MAPK4: variants seen among roughly 807,000 people sequenced by gnomAD.
MAPK4 encodes Erk3-related.
MAPK4 carries 22 observed loss-of-function variants against 47.7 expected under a neutral mutation model. The ratio of observed to expected loss-of-function variants is 0.46; its 90% CI spans 0.33 to 0.66. MAPK4 has a LOEUF of 0.66. Among genes scored for constraint, MAPK4 ranks in the 30% least tolerant of loss-of-function variants. The pLI is 0.02. For synonymous variants in MAPK4, 390 were observed against 365.7 expected, an observed-to-expected ratio of 1.07 and a Z score of -0.76; for missense variants, 736 against 831.7, an observed-to-expected ratio of 0.88 and a Z score of 1.42.
chr18:50,590,382 G>A (rs2042426768), intron 1 of MAPK4, among the ~76,000 whole-genome samples: 1 of 152,208 alleles, frequency 6.6e-6, no homozygotes, highest in South Asian at 2.1e-4. Context: ...TCTCCTTGGA[G>A]GAGGATTTGA....
intron 1 of MAPK4, among the ~76,000 whole-genome samples, chr18:50,648,525 C>T (rs1015204408): frequency 2.0e-5 from 3 of 152,098 alleles, no homozygotes; most frequent in Non-Finnish European, 4.4e-5. Context: ...GCAGGGGATG[C>T]AGGAGGGCGG....
chr18:50,642,073 T>G (rs1036252599), intron 1 of MAPK4, among the ~76,000 whole-genome samples: 1 of 152,198 alleles, frequency 6.6e-6, no homozygotes, highest in Non-Finnish European at 1.5e-5. Flanking sequence ...TAATGACCAT[T>G]AATGGTTTTA....
intron 1 of MAPK4, among the ~76,000 whole-genome samples, chr18:50,605,717 C>G (rs2042577165): frequency 6.6e-6 from 1 of 152,186 alleles, no homozygotes; most frequent in African/African-American, 2.4e-5. Flanking sequence ...GGGAGGAGGA[C>G]CCATGGCCCA....
At chr18:50,632,361 T>G (rs1430480504) in intron 1 of MAPK4, among the ~76,000 whole-genome samples, 2 of 152,300 alleles carry the variant, frequency 1.3e-5, no homozygotes, top group East Asian at 3.9e-4. Flanking sequence ...ATAATTAGAT[T>G]TGCAAAGTTC....
At chr18:50,716,424 C>A (rs1402020211) in intron 3 of MAPK4, among the ~76,000 whole-genome samples, 2 of 152,188 alleles carry the variant, frequency 1.3e-5, no homozygotes, top group Non-Finnish European at 2.9e-5. Context: ...TGTCCCTCAG[C>A]CCTTCCCAAG....
At chr18:50,728,630 C>T (rs1176350826) in intron 5 of MAPK4, among the ~76,000 whole-genome samples, 1 of 152,188 alleles carries the variant, frequency 6.6e-6, no homozygotes, top group Non-Finnish European at 1.5e-5. Flanking sequence ...TAATCTGATC[C>T]AGGGTTGAGA....
intron 2 of MAPK4, among the ~76,000 whole-genome samples, chr18:50,667,112 C>T (rs1218014179): frequency 1.3e-5 from 2 of 152,166 alleles, no homozygotes; most frequent in African/African-American, 4.8e-5. Flanking sequence ...ATTCCTTTCT[C>T]TGAATTCCCA....
chr18:50,628,386 G>A (rs2042800089), intron 1 of MAPK4, among the ~76,000 whole-genome samples: 1 of 152,180 alleles, frequency 6.6e-6, no homozygotes, highest in South Asian at 2.1e-4. Context: ...CCTCCCTGGG[G>A]CCTGGGTTCC....
At chr18:50,705,832 C>A (rs764398136) in intron 2 of MAPK4, 15 of 152,262 alleles carry the variant, frequency 9.9e-5, no homozygotes, top group Non-Finnish European at 1.8e-4. Flanking sequence ...CACTCTCTAT[C>A]TCCTTACCCT....
chr18:50,602,601 A>G (rs2042550242), intron 1 of MAPK4, among the ~76,000 whole-genome samples: 1 of 152,236 alleles, frequency 6.6e-6, no homozygotes, highest in Non-Finnish European at 1.5e-5. Flanking sequence ...CTAATCAGGA[A>G]TCAACATTCC....
intron 1 of MAPK4, among the ~76,000 whole-genome samples, chr18:50,648,428 G>A (rs570349825): frequency 2.2e-4 from 34 of 152,246 alleles, no homozygotes; most frequent in Non-Finnish European, 4.0e-4. Flanking sequence ...AACCTGTGGG[G>A]CAGTGGAGAG....
chr18:50,618,871 C>T (rs1170188129), intron 1 of MAPK4, among the ~76,000 whole-genome samples: 1 of 151,984 alleles, frequency 6.6e-6, no homozygotes, highest in East Asian at 1.9e-4. Context: ...CAGACTGTGC[C>T]CCCGAGAATA....
rs1907687538 is a variant in MAPK4, at chr18:50,667,769, G to T, written c.546+3265G>T. On this transcript the variant is annotated intron_variant, in intron 2 of 5. Coordinates refer to ENST00000400384, the MANE Select transcript of MAPK4 (RefSeq NM_002747.4). ...CTCTCACACCACAACAACATACCCA[G>T]AAGACTTCTGTGACCTCAAAACCTT... 2.0e-5 allele frequency among the ~76,000 whole-genome samples: 3 copies of T among 152,164 alleles called. No homozygotes were observed. The South Asian group carries it at 6.2e-4, about 32-fold the overall frequency.
intron 2 of MAPK4, among the ~76,000 whole-genome samples, chr18:50,687,317 G>A (rs1363735628): frequency 6.6e-6 from 1 of 152,158 alleles, no homozygotes; most frequent in South Asian, 2.1e-4. Flanking sequence ...GAGCCACCAT[G>A]CCTGGCCAAT....
chr18:50,677,390 A>G (rs1908333276), intron 2 of MAPK4, among the ~76,000 whole-genome samples: 1 of 152,210 alleles, frequency 6.6e-6, no homozygotes, highest in South Asian at 2.1e-4. Context: ...AAGTTGGGAA[A>G]GTTTGCTGCA....
chr18:50,564,554 A>G (rs181022608), intron 1 of MAPK4, among the ~76,000 whole-genome samples: 1 of 152,352 alleles, frequency 6.6e-6, no homozygotes, highest in East Asian at 1.9e-4. Flanking sequence ...GCCTTATCTA[A>G]TGTAATTCAA....
At chr18:50,725,309 C>T (rs112660962) in intron 4 of MAPK4, among the ~76,000 whole-genome samples, 6 of 152,306 alleles carry the variant, frequency 3.9e-5, no homozygotes, top group African/African-American at 4.8e-5. Context: ...GCTCTGGATT[C>T]GGACCCAGGA....
intron 1 of MAPK4, among the ~76,000 whole-genome samples, chr18:50,627,050 G>GC (rs1249503932): frequency 9.5e-6 from 1 of 105,216 alleles, no homozygotes; most frequent in Non-Finnish European, 1.9e-5. Flanking sequence ...CTACCACCCC[G>GC]CCCCCCGCCC....
rs867557013 is a variant in MAPK4, at chr18:50,678,966, A to G, written c.546+14462A>G. 2.8e-4 allele frequency among the ~76,000 whole-genome samples: 42 copies of G among 152,038 alleles called. No individual in the cohort carries two copies. Among genetic ancestry groups the G allele is most frequent in the African/African-American group, 9.2e-4 (38 of 41,396 alleles). On this transcript the variant is annotated intron_variant, in intron 2 of 5. Coordinates refer to ENST00000400384, the MANE Select transcript of MAPK4 (RefSeq NM_002747.4). This position sits in a 1 kb window ranked among gnomAD's most constrained non-coding sequence, Gnocchi z 4.2. ...GCGTCTTCTGCATACAAATACTACC[A>G]TCTGTAGGAACCATGCAAACTCCAG... is the stretch of plus-strand genomic sequence containing the variant.
Sources: gnomAD v4.1 joint callset for allele counts (sites outside exome capture counted in the v4.1 genomes callset) on GRCh38, gnomAD v4.1.1 for gene constraint, Gnocchi (gnomAD v3.1) non-coding constraint, MANE v1.5 for transcripts, NCBI Gene and HGNC (gene_info 2026-07-23, HGNC 2026-07-21) for gene names.